Variants in CCDC175 observed in about 807,000 individuals in gnomAD.
CCDC175 encodes the protein coiled-coil domain-containing protein 175.
Under a neutral mutation model 114.6 loss-of-function variants are expected in CCDC175, and 100 were observed. The observed-to-expected ratio is 0.87, with a 90% confidence interval of 0.74 to 1.03. The LOEUF is 1.03. Ranked by LOEUF, CCDC175 falls within the 50% of genes least tolerant of loss-of-function variation. The pLI is 0.00. For synonymous variants in CCDC175, 306 were observed against 308.7 expected (o/e 0.99, Z 0.09); for missense variants, 880 against 917.8 (o/e 0.96, Z 0.53).
At chr14:59,563,618 A>T (rs1896352347) in intron 6 of CCDC175, 119 bp downstream of exon 6, 2 of 578,536 alleles carry the variant, frequency 3.5e-6, no homozygotes, top group African/African-American at 3.9e-5. Context: ...AGTGTCAGAA[A>T]ATGTTAACGT....
At chr14:59,520,848 G>A (rs950736389) in intron 17 of CCDC175, among the ~76,000 whole-genome samples, 2 of 152,106 alleles carry the variant, frequency 1.3e-5, no homozygotes, top group African/African-American at 2.4e-5. Context: ...GGTGATCGAC[G>A]GCAAAGGGAT....
chr14:59,540,421 A>C (rs764088973), intron 11 of CCDC175, among the ~76,000 whole-genome samples: 1 of 152,084 alleles, frequency 6.6e-6, no homozygotes, highest in African/African-American at 2.4e-5. Flanking sequence ...AAGGCATTGC[A>C]CAAATATTAG....
chr14:59,559,773 T>C (rs958681217), intron 7 of CCDC175, among the ~76,000 whole-genome samples: 2 of 152,174 alleles, frequency 1.3e-5, no homozygotes, highest in Non-Finnish European at 2.9e-5. Context: ...GGATCACTTG[T>C]ATCCTCAACC....
intron 13 of CCDC175, among the ~76,000 whole-genome samples, chr14:59,532,183 A>G (rs1337830694): frequency 6.6e-6 from 1 of 152,212 alleles, no homozygotes; most frequent in African/African-American, 2.4e-5. Flanking sequence ...CTATATCTCT[A>G]TGAACACTAC....
chr14:59,518,121 G>A (rs972353481), intron 17 of CCDC175, among the ~76,000 whole-genome samples: 1 of 152,144 alleles, frequency 6.6e-6, no homozygotes, highest in Admixed American at 6.6e-5. Context: ...TAGCCATATG[G>A]AGAAAGCTGA....
intron 19 of CCDC175, 133 bp downstream of exon 19, chr14:59,510,513 A>G (rs1892678767): frequency 3.4e-6 from 3 of 871,208 alleles, no homozygotes; most frequent in Non-Finnish European, 1.8e-6. Flanking sequence ...TCAATGTTCA[A>G]TTGAATGTTT....
Position 59,525,453 on chromosome 14 carries a change from C to G in CCDC175, c.1843-19G>C, listed in dbSNP as rs73305632. The G allele has an allele frequency of 3.0e-3, 4,597 of 1,508,246 alleles. 20 individuals carry two copies. Among genetic ancestry groups the G allele is most frequent in the Non-Finnish European group, 3.4e-3 (3,816 of 1,136,340 alleles). The allele number at this position is 1,508,246 out of a possible 1,614,324, so 93.4% of individuals were successfully genotyped here. A position where few individuals can be genotyped will look rare whatever the true frequency, so the allele number is the denominator to read the frequency against. On this transcript the variant is annotated intron_variant, in intron 15 of 19. Transcript: ENST00000537690. ...CATCTTCCTGCTCAAACAGAAAACC[C>G]CAAATTATCTCTGAGTTCAAACAGT...
rs1317303423 is a variant in CCDC175, at chr14:59,565,239, C to A, written c.528G>T (p.Arg176Ser). Residue 176 changes from arginine (R) to serine (S), a missense_variant, in exon 5 of 20, where the codon AGG (arginine) becomes AGT (serine). Arg to Ser is a moderately radical substitution (Grantham distance 110, BLOSUM62 -1). Coordinates refer to ENST00000537690, the MANE Select transcript of CCDC175 (RefSeq NM_001164399.2). ...KQEELARKHA[R>S]FVLSLNQTME... ...TAGTTTGGTTGAGTGACAGGACAAACCTTGCATGCTTCCTTGCTAGCTCTT... is the reference window on the plus strand; with the variant it reads ...TAGTTTGGTTGAGTGACAGGACAAAACTTGCATGCTTCCTTGCTAGCTCTT... 5.2e-6 allele frequency: 8 copies of A among 1,537,506 alleles called. No homozygotes were observed. The highest frequency in any genetic ancestry group is 1.4e-5 in the African/African-American group (1 of 73,004).
chr14:59,575,112 A>G, intron 1 of CCDC175, 84 bp from the exon 2 acceptor site: 1 of 673,582 alleles, frequency 1.5e-6, no homozygotes. Flanking sequence ...TCAAATGCTT[A>G]CTCGGCTGGA....
chr14:59,523,887 G>A (rs1025398012), intron 16 of CCDC175, among the ~76,000 whole-genome samples: 1 of 152,134 alleles, frequency 6.6e-6, no homozygotes, highest in Non-Finnish European at 1.5e-5. Flanking sequence ...TACTCGGGAG[G>A]CTGAGGCAGG....
intron 9 of CCDC175, among the ~76,000 whole-genome samples, chr14:59,544,534 T>C (rs1894987688): frequency 6.6e-6 from 1 of 152,020 alleles, no homozygotes; most frequent in Non-Finnish European, 1.5e-5. Context: ...GCCTCCCCCA[T>C]CTCCAGAATT....
chr14:59,553,610 A>G (rs1895673207), intron 7 of CCDC175, among the ~76,000 whole-genome samples: 1 of 152,218 alleles, frequency 6.6e-6, no homozygotes, highest in Non-Finnish European at 1.5e-5. Flanking sequence ...ATTCACACAC[A>G]ACAATATTAA....
chr14:59,573,641 A>C (rs1896954328), intron 2 of CCDC175, among the ~76,000 whole-genome samples: 1 of 143,818 alleles, frequency 7.0e-6, no homozygotes, highest in African/African-American at 2.6e-5. Context: ...TTGAGATGGA[A>C]TCTCACTCTG....
intron 12 of CCDC175, 117 bp downstream of exon 12, chr14:59,538,588 A>C: frequency 1.1e-6 from 1 of 886,740 alleles, no homozygotes; most frequent in Admixed American, 3.2e-5. Context: ...CACTCTAAAC[A>C]TGAAATCAGC....
At chr14:59,536,937 T>C (rs962750383) in intron 13 of CCDC175, among the ~76,000 whole-genome samples, 1 of 152,002 alleles carries the variant, frequency 6.6e-6, no homozygotes, top group African/African-American at 2.4e-5. Flanking sequence ...CATGCCACCA[T>C]GCCTGGCTAA....
intron 10 of CCDC175, among the ~76,000 whole-genome samples, chr14:59,541,730 CAATAA>C (rs1206968357): frequency 1.3e-5 from 2 of 152,018 alleles, no homozygotes; most frequent in African/African-American, 2.4e-5. Flanking sequence ...AATAAAGCAA[CAATAA>C]TATAAAAAAA....
At position 59,505,150 on chromosome 14, in the gene CCDC175, C is replaced by T; in HGVS notation, c.*89G>A. On this transcript the variant is annotated 3_prime_UTR_variant, in exon 20 of 20. Transcript: ENST00000537690. ...GTTAAATTTTAAATGTTTAAGACTT[C>T]TATTAACAGCTGCAAAATATGAAAG... 1 of 563,774 alleles carries T rather than the reference C, an allele frequency of 1.8e-6. No individual in the cohort carries two copies. Among genetic ancestry groups the T allele is most frequent in the Admixed American group, 3.4e-5 (1 of 29,308 alleles). The allele number at this position is 563,774 out of a possible 1,614,324, so 34.9% of individuals were successfully genotyped here.
intron 7 of CCDC175, among the ~76,000 whole-genome samples, chr14:59,556,635 T>G (rs1895916845): frequency 6.6e-6 from 1 of 152,130 alleles, no homozygotes; most frequent in South Asian, 2.1e-4. Context: ...CTAAAGAGCT[T>G]CTGCACAGCA....
At chr14:59,517,518 C>T (rs977006245) in intron 17 of CCDC175, among the ~76,000 whole-genome samples, 3 of 152,284 alleles carry the variant, frequency 2.0e-5, no homozygotes, top group East Asian at 3.9e-4. Context: ...CATTCTTATA[C>T]ACCAATAACA....
Sources: gnomAD v4.1 joint callset for allele counts (sites outside exome capture counted in the v4.1 genomes callset) on GRCh38, gnomAD v4.1.1 for gene constraint, MANE v1.5 for transcripts, NCBI Gene and HGNC (gene_info 2026-07-23, HGNC 2026-07-21) for gene names.